PARD6G: variants seen among roughly 807,000 people sequenced by gnomAD.
PARD6G encodes par-6 family cell polarity regulator gamma, also known as partitioning defective 6 homolog gamma.
PARD6G carries 7 observed loss-of-function variants against 10.7 expected under a neutral mutation model. That is an observed-to-expected ratio of 0.66 (90% CI 0.37 to 1.23). The LOEUF is 1.23. Among genes scored for constraint, PARD6G ranks in the 50% most tolerant of loss-of-function variants. The pLI, the probability that PARD6G is intolerant of heterozygous loss-of-function variation, is 0.02. For synonymous variants in PARD6G, 287 were observed against 269.4 expected (o/e 1.07, Z -0.64); for missense variants, 548 against 571.8 (o/e 0.96, Z 0.42).
intron 1 of PARD6G, among the ~76,000 whole-genome samples, chr18:80,205,801 T>G (rs1224066241): frequency 6.6e-6 from 1 of 152,218 alleles, no homozygotes; most frequent in South Asian, 2.1e-4. Flanking sequence ...TACAGCTATG[T>G]GAGAATGGAC....
intron 2 of PARD6G, among the ~76,000 whole-genome samples, chr18:80,171,890 G>T (rs2052779543): frequency 6.6e-6 from 1 of 152,180 alleles, no homozygotes; most frequent in South Asian, 2.1e-4. Flanking sequence ...GAATAATGCT[G>T]TTGTGAACAC....
chr18:80,241,774 T>A (rs76587997), intron 1 of PARD6G, among the ~76,000 whole-genome samples: 3,822 of 152,158 alleles, frequency 0.025, 155 homozygotes, highest in African/African-American at 0.088. Flanking sequence ...GGATTTGACA[T>A]GTAAGCAGCC....
chr18:80,240,024 C>G (rs1014268624), intron 1 of PARD6G, among the ~76,000 whole-genome samples: 1 of 152,160 alleles, frequency 6.6e-6, no homozygotes, highest in African/African-American at 2.4e-5. Context: ...GGGGAGGAGC[C>G]AGGCTCTTGT....
intron 1 of PARD6G, among the ~76,000 whole-genome samples, chr18:80,243,743 T>C (rs1229512262): frequency 3.3e-5 from 5 of 151,916 alleles, no homozygotes; most frequent in Admixed American, 1.3e-4. Context: ...CAGAATGACT[T>C]TGTAGAAGAG....
chr18:80,178,759 C>T (rs767261588), intron 2 of PARD6G, among the ~76,000 whole-genome samples: 3 of 152,212 alleles, frequency 2.0e-5, no homozygotes, highest in Non-Finnish European at 2.9e-5. Context: ...AGAAAACAGA[C>T]GTCCACGAAT....
rs1196734125 is a variant in PARD6G at position 80,200,845 on chromosome 18, T to A, written c.295+1865A>T. The stretch of plus-strand genomic sequence containing the variant: ...CTGGTCCCAGCCCAGCTTTGATGCA[T>A]CCCCAGTAGAGGGTGCCAAGACGCC... On this transcript the variant is annotated intron_variant, in intron 2 of 2. Coordinates refer to ENST00000353265, the MANE Select transcript of PARD6G (RefSeq NM_032510.4). This position sits in a 1 kb window ranked among gnomAD's most constrained non-coding sequence, Gnocchi z 4.4. Among the ~76,000 whole-genome samples, 2 of 152,128 alleles carry A rather than the reference T, an allele frequency of 1.3e-5. No homozygotes were observed. Among genetic ancestry groups the A allele is most frequent in the Admixed American group, 6.5e-5 (1 of 15,280 alleles).
At chr18:80,210,029 A>T (rs1346545147) in intron 1 of PARD6G, among the ~76,000 whole-genome samples, 1 of 152,174 alleles carries the variant, frequency 6.6e-6, no homozygotes, top group East Asian at 1.9e-4. Context: ...GAAGGGATAG[A>T]GCTCGAGAAG....
chr18:80,163,866 A>C (rs1006552853), intron 2 of PARD6G, among the ~76,000 whole-genome samples: 1 of 152,232 alleles, frequency 6.6e-6, no homozygotes, highest in Non-Finnish European at 1.5e-5. Context: ...TGTTACATAC[A>C]AAACAACAAA....
chr18:80,177,760 C>G (rs561901154), intron 2 of PARD6G, among the ~76,000 whole-genome samples: 2 of 151,280 alleles, frequency 1.3e-5, no homozygotes, highest in South Asian at 4.2e-4. Flanking sequence ...GGGAAGCACA[C>G]GCACCCACGA....
intron 1 of PARD6G, among the ~76,000 whole-genome samples, chr18:80,232,773 C>A (rs1740823890): frequency 6.6e-6 from 1 of 152,210 alleles, no homozygotes; most frequent in African/African-American, 2.4e-5. Flanking sequence ...CACCAGCATT[C>A]ATGGGCAGGA....
At chr18:80,244,954 G>A (rs112886494) in intron 1 of PARD6G, among the ~76,000 whole-genome samples, 5 of 152,292 alleles carry the variant, frequency 3.3e-5, no homozygotes, top group African/African-American at 1.2e-4. Flanking sequence ...CATCACGGTG[G>A]GGAGGGCACA....
Position 80,183,408 on chromosome 18 carries a change from T to C in PARD6G, c.295+19302A>G, listed in dbSNP as rs2052857748. 6.6e-6 allele frequency among the ~76,000 whole-genome samples: 1 copy of C among 152,058 alleles called. No homozygotes were observed. On this transcript the variant is annotated intron_variant, in intron 2 of 2. Transcript: ENST00000353265. The surrounding 1 kb of genome is among the most constrained non-coding windows in gnomAD (Gnocchi z 4.5). ...GGCCCTAATGGGTTTCAGGCAGAGA[T>C]GGTTTCCTGAGGGCAGCACCAGTCA...
Position 80,247,291 on chromosome 18 carries a change from C to G in PARD6G, c.58G>C (p.Glu20Gln). 1 of 1,581,954 alleles carries G rather than the reference C, an allele frequency of 6.3e-7. No individual in the cohort carries two copies. Among genetic ancestry groups the G allele is most frequent in the Non-Finnish European group, 8.6e-7 (1 of 1,165,032 alleles). The change falls in exon 1 of 3, where the codon GAA becomes CAA. Residue 20 changes from glutamate to glutamine, a missense_variant. By Grantham distance (29) the Glu-to-Gln change is conservative. Transcript: ENST00000353265. This position sits in a 1 kb window ranked among gnomAD's most constrained non-coding sequence, Gnocchi z 4.2. ...GGGGGGCTTACCTTGCTCTTGACTTCCACTGCGCTGCAATCGTAGAATCGC... is the reference window on the plus strand; with the variant it reads ...GGGGGGCTTACCTTGCTCTTGACTTGCACTGCGCTGCAATCGTAGAATCGC... ...TLRFYDCSAV[E>Q]VKSKFGAEFR...
Position 80,159,998 on chromosome 18 carries a change from C to G in PARD6G, c.904G>C (p.Val302Leu). ...GCAGGCTCCAGTGTGCCCTCGATGACGACGTCGTTGTCCTCATCGCTCTCC... is the reference window on the plus strand; with the variant it reads ...GCAGGCTCCAGTGTGCCCTCGATGAGGACGTCGTTGTCCTCATCGCTCTCC... ...EAESDEDNDV[V>L]IEGTLEPARP... The change falls in exon 3 of 3, where the codon GTC (valine) becomes CTC (leucine). Residue 302 changes from valine to leucine, a missense_variant. Physicochemically the swap from Val to Leu is conservative, Grantham distance 32 (BLOSUM62 1). Transcript: ENST00000353265. The G allele has an allele frequency of 6.6e-7, 1 of 1,513,028 alleles. No homozygotes were observed. The highest frequency in any genetic ancestry group is 1.3e-5 in the South Asian group (1 of 75,046). 93.7% of individuals were successfully genotyped at this position (1,513,028 alleles called of 1,614,324 possible).
At chr18:80,225,320 C>T (rs2145297423) in intron 1 of PARD6G, among the ~76,000 whole-genome samples, 1 of 152,336 alleles carries the variant, frequency 6.6e-6, no homozygotes, top group Non-Finnish European at 1.5e-5. Context: ...TGTTCTTCAA[C>T]AAACCAAAGG....
rs1967020103 is a variant in PARD6G, at chr18:80,202,742, T to C, written c.263A>G (p.Asn88Ser). The change falls in exon 2 of 3, where the codon AAT becomes AGT. Residue 88 changes from asparagine to serine, a missense_variant. By Grantham distance (46) the Asn-to-Ser change is conservative. Transcript: ENST00000353265. ...DNFCKAVSSA[N>S]PLLRVFIQKR... ...CTGGATGAAGACCCTGAGCAGGGGA[T>C]TTGCACTAGAAACCGCCTTGCAGAA... 1 of 1,613,152 alleles carries C rather than the reference T, an allele frequency of 6.2e-7. No homozygotes were observed. Among genetic ancestry groups the C allele is most frequent in the African/African-American group, 1.3e-5 (1 of 74,938 alleles).
chr18:80,193,300 A>C (rs1242872208), intron 2 of PARD6G, among the ~76,000 whole-genome samples: 1 of 152,182 alleles, frequency 6.6e-6, no homozygotes, highest in African/African-American at 2.4e-5. Context: ...AGCTCCCCAG[A>C]GACTCAACAA....
Position 80,181,202 on chromosome 18 carries a change from C to T in PARD6G, c.296-20596G>A, listed in dbSNP as rs904881178. ...ACAGACAAGCCCTGCGTACACTGACCGTAGACTGGTGTGTGCACCAAGCAT... is the reference window on the plus strand; with the variant it reads ...ACAGACAAGCCCTGCGTACACTGACTGTAGACTGGTGTGTGCACCAAGCAT... On this transcript the variant is annotated intron_variant, in intron 2 of 2. Coordinates refer to ENST00000353265, the MANE Select transcript of PARD6G (RefSeq NM_032510.4). The surrounding 1 kb of genome is among the most constrained non-coding windows in gnomAD (Gnocchi z 7.9). Among the ~76,000 whole-genome samples, 1 of 152,126 alleles carries T rather than the reference C, an allele frequency of 6.6e-6. No individual in the cohort carries two copies. Among genetic ancestry groups the T allele is most frequent in the Admixed American group, 6.5e-5 (1 of 15,288 alleles).
intron 1 of PARD6G, among the ~76,000 whole-genome samples, chr18:80,220,594 C>T (rs956280805): frequency 3.3e-5 from 5 of 151,880 alleles, no homozygotes; most frequent in Non-Finnish European, 2.9e-5. Context: ...TGGGAACTCT[C>T]TGCAATCTTT....
Sources: allele counts gnomAD v4.1 joint callset (sites outside exome capture counted in the v4.1 genomes callset), GRCh38; gene constraint gnomAD v4.1.1; non-coding constraint Gnocchi (gnomAD v3.1); transcripts MANE v1.5; gene names NCBI Gene and HGNC (gene_info 2026-07-23, HGNC 2026-07-21).